Variants in ZBBX observed in about 807,000 individuals in gnomAD.
The protein encoded by ZBBX is zinc finger B-box domain-containing protein 1.
ZBBX carries 101 observed loss-of-function variants against 108.5 expected under a neutral mutation model. That is an observed-to-expected ratio of 0.93 (90% CI 0.79 to 1.10). The LOEUF is 1.10. Ranked by LOEUF, ZBBX falls within the 50% of genes least tolerant of loss-of-function variation. The pLI, the probability that ZBBX is intolerant of heterozygous loss-of-function variation, is 0.00. For synonymous variants in ZBBX, 356 were observed against 323.4 expected (o/e 1.10, Z -1.08); for missense variants, 1,009 against 941.4 (o/e 1.07, Z -0.94).
At chr3:167,344,458 CTA>C (rs1247017501) in intron 9 of ZBBX, among the ~76,000 whole-genome samples, 5 of 151,718 alleles carry the variant, frequency 3.3e-5, no homozygotes, top group Non-Finnish European at 5.9e-5. Context: ...TCCCAACATT[CTA>C]TGTTTCAAAT....
the ZBBX span, among the ~76,000 whole-genome samples, chr3:167,190,779 C>A: frequency 2.0e-5 from 3 of 152,128 alleles, no homozygotes; most frequent in Admixed American, 2.0e-4. Flanking sequence ...AAATTCACAC[C>A]AAAATGAGTT....
At chr3:167,241,889 G>C (rs1720738230) in intron 21 of ZBBX, among the ~76,000 whole-genome samples, 1 of 152,052 alleles carries the variant, frequency 6.6e-6, no homozygotes, top group South Asian at 2.1e-4. Context: ...ACTTATTTTA[G>C]TCTTTCTAGA....
At chr3:167,283,599 GGTAA>G (rs1729191608) in intron 19 of ZBBX, among the ~76,000 whole-genome samples, 1 of 152,056 alleles carries the variant, frequency 6.6e-6, no homozygotes, top group Non-Finnish European at 1.5e-5. Flanking sequence ...GACTACAGGC[GGTAA>G]TCATGTATTA....
intron 10 of ZBBX, among the ~76,000 whole-genome samples, chr3:167,330,964 T>TCTCTCTCTCTCTCTCTCTCTCC (rs1310209358): frequency 8.9e-5 from 13 of 145,930 alleles, no homozygotes; most frequent in Admixed American, 3.5e-4. Flanking sequence ...TCTCTCTCTC[T>TCTCTCTCTCTCTCTCTCTCTCC]CCCCCACTCC....
At chr3:167,344,689 A>G (rs1206920449) in intron 9 of ZBBX, among the ~76,000 whole-genome samples, 1 of 151,622 alleles carries the variant, frequency 6.6e-6, no homozygotes, top group Non-Finnish European at 1.5e-5. Flanking sequence ...GTAGATAAGG[A>G]ATACACCTGA....
intron 10 of ZBBX, among the ~76,000 whole-genome samples, chr3:167,329,882 T>C (rs746182475): frequency 1.3e-5 from 2 of 152,296 alleles, no homozygotes; most frequent in South Asian, 2.1e-4. Flanking sequence ...AAATAGTGTG[T>C]TTGGCTGCAA....
At chr3:167,329,873 A>G (rs1468555828) in intron 10 of ZBBX, among the ~76,000 whole-genome samples, 2 of 152,188 alleles carry the variant, frequency 1.3e-5, no homozygotes, top group African/African-American at 2.4e-5. Context: ...GAAATTATAA[A>G]ATAGTGTGTT....
At chr3:167,381,417 A>G (rs1201815922), upstream of ZBBX, 1 of 152,210 alleles carries the variant, frequency 6.6e-6, no homozygotes, top group African/African-American at 2.4e-5. Context: ...AGTATGGAAG[A>G]GTAAATGAAA....
chr3:167,209,586 A>T, the ZBBX span, among the ~76,000 whole-genome samples: 2 of 152,352 alleles, frequency 1.3e-5, no homozygotes, highest in Admixed American at 1.3e-4. Flanking sequence ...CCCTTTGAAT[A>T]CCTAGAAAGC....
chr3:167,326,264 G>A (rs114959581), intron 11 of ZBBX, among the ~76,000 whole-genome samples: 106 of 152,246 alleles, frequency 7.0e-4, no homozygotes, highest in African/African-American at 2.5e-3. Flanking sequence ...GAAAATGCAA[G>A]TTAACTAATA....
chr3:167,396,242 C>G (rs1424526057), intron 1 of ZBBX, among the ~76,000 whole-genome samples: 1 of 151,990 alleles, frequency 6.6e-6, no homozygotes, highest in Non-Finnish European at 1.5e-5. Flanking sequence ...TTCCCTGGCT[C>G]TGTGTCAGCT....
At chr3:167,219,574 C>T in the ZBBX span, among the ~76,000 whole-genome samples, 30 of 151,752 alleles carry the variant, frequency 2.0e-4, no homozygotes, top group African/African-American at 7.0e-4. Context: ...TGTCTTGAAA[C>T]AAATTAAAAT....
rs1731586030 is a variant in ZBBX, at chr3:167,295,760, A to ATATATATAT, written c.1879+2544_1879+2545insATATATATA. Among the ~76,000 whole-genome samples, 4 of 6,648 alleles carry ATATATATAT rather than the reference A, an allele frequency of 6.0e-4. 1 individual carries two copies. The highest frequency in any genetic ancestry group is 2.0e-3 in the Admixed American group (1 of 492). 4.4% of individuals were successfully genotyped at this position (6,648 alleles called of 152,430 possible). On this transcript the variant is annotated intron_variant, in intron 18 of 21. Coordinates refer to ENST00000675490, the MANE Select transcript of ZBBX (RefSeq NM_001199201.2). ...ATATATATATATATATATATATATA[A>ATATATATAT]AAAAAACTAGTAAGGAGATTAAATC...
chr3:167,314,460 A>C (rs542706113), intron 15 of ZBBX, among the ~76,000 whole-genome samples: 12 of 152,324 alleles, frequency 7.9e-5, no homozygotes, highest in African/African-American at 2.9e-4. Context: ...TGATGAAATC[A>C]AGGCTTTACT....
intron 1 of ZBBX, among the ~76,000 whole-genome samples, chr3:167,407,569 T>C (rs1262303415): frequency 6.6e-6 from 1 of 152,148 alleles, no homozygotes; most frequent in Non-Finnish European, 1.5e-5. Flanking sequence ...ATTAACACGT[T>C]TTTTATTAAT....
chr3:167,262,750 A>T (rs1263268524), intron 20 of ZBBX, among the ~76,000 whole-genome samples: 1 of 152,170 alleles, frequency 6.6e-6, no homozygotes, highest in Non-Finnish European at 1.5e-5. Flanking sequence ...GTTTATTGTT[A>T]TATAATTGCC....
At chr3:167,299,116 A>G (rs1732179203) in intron 17 of ZBBX, among the ~76,000 whole-genome samples, 1 of 152,114 alleles carries the variant, frequency 6.6e-6, no homozygotes, top group Non-Finnish European at 1.5e-5. Context: ...GGGATTTTAA[A>G]AAATGTGAAT....
At chr3:167,382,989 C>T (rs1369820254), upstream of ZBBX, among the ~76,000 whole-genome samples, 1 of 152,060 alleles carries the variant, frequency 6.6e-6, no homozygotes, top group African/African-American at 2.4e-5. Context: ...CAGTCAGCTA[C>T]CAAATTTTCT....
the ZBBX span, among the ~76,000 whole-genome samples, chr3:167,224,413 T>A: frequency 6.6e-6 from 1 of 151,928 alleles, no homozygotes; most frequent in Non-Finnish European, 1.5e-5. Flanking sequence ...ATACGGTGAC[T>A]ATAGTTAATA....
Sources: gnomAD v4.1 joint callset for allele counts (sites outside exome capture counted in the v4.1 genomes callset) on GRCh38, gnomAD v4.1.1 for gene constraint, MANE v1.5 for transcripts, NCBI Gene and HGNC (gene_info 2026-07-23, HGNC 2026-07-21) for gene names.